The following MACROH2A1 variants were observed in gnomAD, a reference collection of about 807,000 sequenced individuals.
MACROH2A1 encodes the protein macroH2A.1 histone, also known as core histone macro-H2A.1.
MACROH2A1 carries 2 observed loss-of-function variants against 31.6 expected under a neutral mutation model. The observed-to-expected ratio is 0.06, with a 90% CI of 0.03 to 0.20. The LOEUF is 0.20. Among genes scored for constraint, MACROH2A1 ranks in the 10% least tolerant of loss-of-function variants. The pLI is 1.00. For synonymous variants in MACROH2A1, 169 were observed against 189.6 expected (o/e 0.89, Z 0.89); for missense variants, 230 against 474.0 (o/e 0.49, Z 4.78).
chr5:135,377,788 T>C (rs1362424647), intron 2 of MACROH2A1, among the ~76,000 whole-genome samples: 1 of 152,216 alleles, frequency 6.6e-6, no homozygotes, highest in Non-Finnish European at 1.5e-5. Flanking sequence ...CAGCTGGCCT[T>C]TGGTACCACA....
At chr5:135,364,223 C>T (rs1763207057) in intron 4 of MACROH2A1, among the ~76,000 whole-genome samples, 1 of 152,142 alleles carries the variant, frequency 6.6e-6, no homozygotes, top group Non-Finnish European at 1.5e-5. Flanking sequence ...GGGAACATCA[C>T]ACACCAGGGC....
chr5:135,352,143 G>T (rs1315517432), intron 6 of MACROH2A1, among the ~76,000 whole-genome samples: 1 of 152,214 alleles, frequency 6.6e-6, no homozygotes, highest in East Asian at 1.9e-4. Flanking sequence ...GCAGTTGAGG[G>T]TTAGGAAGGA....
At chr5:135,366,831 C>A (rs902452136) in intron 4 of MACROH2A1, among the ~76,000 whole-genome samples, 2 of 152,062 alleles carry the variant, frequency 1.3e-5, no homozygotes, top group African/African-American at 4.8e-5. Flanking sequence ...CTGGAATGGA[C>A]CTGATCATTT....
At chr5:135,358,906 G>A in intron 5 of MACROH2A1, 1 of 985,294 alleles carries the variant, frequency 1.0e-6, no homozygotes, top group Non-Finnish European at 1.2e-6. Context: ...CATGTTCCTG[G>A]CTCTTGGGAG....
chr5:135,374,154 C>T (rs931223330), intron 2 of MACROH2A1, among the ~76,000 whole-genome samples: 3 of 152,134 alleles, frequency 2.0e-5, no homozygotes, highest in Non-Finnish European at 4.4e-5. Context: ...ATCAGTAATA[C>T]TCACCCTCTC....
intron 1 of MACROH2A1, among the ~76,000 whole-genome samples, chr5:135,395,696 T>C (rs769754349): frequency 1.4e-4 from 22 of 152,206 alleles, no homozygotes; most frequent in Non-Finnish European, 2.9e-4. Context: ...TAGACAACCA[T>C]TGCTCACAGA....
At chr5:135,351,070 T>G (rs1761475934) in intron 6 of MACROH2A1, 2 of 554,096 alleles carry the variant, frequency 3.6e-6, no homozygotes, top group South Asian at 4.8e-5. Context: ...CACATGTGGA[T>G]GGGGGTGAGG....
intron 2 of MACROH2A1, among the ~76,000 whole-genome samples, chr5:135,382,090 C>G (rs1581321526): frequency 1.3e-5 from 2 of 152,294 alleles, no homozygotes; most frequent in East Asian, 3.9e-4. Flanking sequence ...TAGTTTTGGT[C>G]ACACCTTTTT....
At chr5:135,360,389 C>T (rs561814835) in intron 5 of MACROH2A1, 108 bp downstream of exon 5, 9 of 742,314 alleles carry the variant, frequency 1.2e-5, no homozygotes, top group Non-Finnish European at 2.1e-5. Flanking sequence ...TGTCTACCCA[C>T]GAGGCTGGGA....
At chr5:135,346,763 T>G (rs536753744) in intron 6 of MACROH2A1, 1 of 152,348 alleles carries the variant, frequency 6.6e-6, no homozygotes, top group South Asian at 2.1e-4. Flanking sequence ...GAAAGGAGGA[T>G]GTCTAACTGC....
intron 5 of MACROH2A1, chr5:135,358,660 G>A (rs1428320605): frequency 1.0e-6 from 1 of 960,510 alleles, no homozygotes; most frequent in Admixed American, 6.2e-5. Context: ...GTTAAGCTAA[G>A]TTCACTGCTT....
At chr5:135,360,427 C>T in intron 5 of MACROH2A1, 70 bp downstream of exon 5, 4 of 1,012,798 alleles carry the variant, frequency 3.9e-6, no homozygotes, top group Non-Finnish European at 6.3e-6. Context: ...CCCAGCCTTC[C>T]AGTGGAAGTA....
intron 8 of MACROH2A1, chr5:135,338,006 TGGC>T: frequency 8.4e-7 from 1 of 1,186,676 alleles, no homozygotes; most frequent in Non-Finnish European, 1.1e-6. Flanking sequence ...CAGGAAGGAA[TGGC>T]GGAGGTAACG....
chr5:135,351,564 TTTTTTTTTTTTTTTTTTA>T (rs1329282551), intron 6 of MACROH2A1: 1 of 122,188 alleles, frequency 8.2e-6, no homozygotes, highest in African/African-American at 3.4e-5. Flanking sequence ...TTTTTTTTTT[TTTTTTTTTTTTTTTTTTA>T]CAGATAGGAT....
intron 7 of MACROH2A1, chr5:135,344,012 GC>G (rs1760392766): frequency 6.4e-6 from 1 of 155,160 alleles, no homozygotes; most frequent in Non-Finnish European, 1.4e-5. Context: ...GCTGAGGATG[GC>G]CTCACTGTGT....
intron 6 of MACROH2A1, chr5:135,346,838 C>A (rs1304125471): frequency 3.3e-5 from 5 of 152,224 alleles, no homozygotes; most frequent in Non-Finnish European, 7.3e-5. Flanking sequence ...TCAATTAGGG[C>A]ACTTGCTAAG....
At chr5:135,372,463 C>T (rs369609906) in intron 2 of MACROH2A1, among the ~76,000 whole-genome samples, 3 of 152,242 alleles carry the variant, frequency 2.0e-5, no homozygotes, top group African/African-American at 7.2e-5. Flanking sequence ...GATGGCCACC[C>T]AGCATTTTCA....
At chr5:135,388,815 A>T in intron 2 of MACROH2A1, 107 bp downstream of exon 2, 1 of 892,436 alleles carries the variant, frequency 1.1e-6, no homozygotes, top group Non-Finnish European at 1.7e-6. Flanking sequence ...ACTTTTCTGT[A>T]GGTTTGAGCT....
Position 135,355,797 on chromosome 5 carries a change from T to C in MACROH2A1, c.589-2752A>G, listed in dbSNP as rs117888588. ...CACATGTGTCTGGACAGGCTCCCAC[T>C]GTCCAGTCACAAATGAATAAGCGAG... On this transcript the variant is annotated intron_variant, in intron 5 of 8. Transcript: ENST00000511689. 211 of 155,606 alleles carry C rather than the reference T, an allele frequency of 1.4e-3. 1 individual carries two copies. In the East Asian group the frequency reaches 0.032, roughly 24 times the overall value. The allele number at this position is 155,606 out of a possible 1,614,324, so 9.6% of individuals were successfully genotyped here.
Sources: allele counts gnomAD v4.1 joint callset (sites outside exome capture counted in the v4.1 genomes callset), GRCh38; gene constraint gnomAD v4.1.1; transcripts MANE v1.5; gene names NCBI Gene and HGNC (gene_info 2026-07-23, HGNC 2026-07-21).